Variants in LLGL2 observed in about 807,000 individuals in gnomAD.
The protein encoded by LLGL2 is LLGL scribble cell polarity complex component 2.
In LLGL2, 81 loss-of-function variants were observed where a neutral mutation model predicts 123.2. That is an observed-to-expected ratio of 0.66 (90% CI 0.55 to 0.79). LLGL2 has a LOEUF of 0.79. LLGL2 is among the 30% of genes least tolerant of loss of function. LLGL2 has a pLI of 0.00. For missense variants in LLGL2, 1,273 were observed against 1,414.6 expected, an observed-to-expected ratio of 0.90 and a Z score of 1.61; for synonymous variants, 577 against 594.1, an observed-to-expected ratio of 0.97 and a Z score of 0.42.
chr17:75,541,753 C>T (rs1203564754), intron 1 of LLGL2, among the ~76,000 whole-genome samples: 487 of 36,742 alleles, frequency 0.013, 3 homozygotes, highest in African/African-American at 0.034. Flanking sequence ...TTTTGAGATA[C>T]TGTTTTTGCT....
rs1126939 is a variant in LLGL2 at position 75,574,637 on chromosome 17, C to G, written c.3024C>G (p.Ala1008=). The change falls in exon 25 of 26, where the codon GCC becomes GCG. Residue 1008 remains alanine, a synonymous_variant. Transcript: ENST00000392550. ...RGSGNWRSHR[A]AVGCSLSNGG... ...GCGGCAACTGGCGTTCACATCGAGC[C>G]GCCGTGGGGTGCAGCCTCAGCAATG... 0.29 allele frequency: 464,471 copies of G among 1,611,370 alleles called. 71,865 individuals carry two copies. The highest frequency in any genetic ancestry group is 0.58 in the African/African-American group (43,481 of 74,926).
intron 2 of LLGL2, among the ~76,000 whole-genome samples, chr17:75,545,580 G>A (rs145397879): frequency 0.01 from 1,532 of 152,214 alleles, 15 homozygotes; most frequent in South Asian, 0.019. Context: ...TTGGGATCCC[G>A]TCTGCCCTGC....
Position 75,569,031 on chromosome 17 carries a change from T to G in LLGL2, c.1376T>G (p.Leu459Arg), listed in dbSNP as rs1213330541. 2 of 1,612,940 alleles carry G rather than the reference T, an allele frequency of 1.2e-6. No individual in the cohort carries two copies. Among genetic ancestry groups the G allele is most frequent in the Non-Finnish European group, 1.7e-6 (2 of 1,179,730 alleles). ...GATGCCTCGGGTGTCTGCCTGCGGCTGCTCTACAAACTCAGCACTGTGCGC... is the reference window on the plus strand; with the variant it reads ...GATGCCTCGGGTGTCTGCCTGCGGCGGCTCTACAAACTCAGCACTGTGCGC... ...FWDASGVCLR[L>R]LYKLSTVRVF... is the part of the protein sequence containing the mutation. The change falls in exon 13 of 26, where the codon CTG becomes CGG. Residue 459 changes from leucine to arginine, a missense_variant. By Grantham distance (102) the Leu-to-Arg change is moderately radical (BLOSUM62 -2). Transcript: ENST00000392550.
At position 75,571,701 on chromosome 17, in the gene LLGL2, C is replaced by T. The variant is rs779639879; in HGVS notation, c.2211C>T (p.Thr737=). Reference sequence around the variant, plus strand: ...ACTGCCCCTCGCTGTGGGCTGGCACCAATGGGGGCACCATCTATGCCTTCT... The same window carrying T: ...ACTGCCCCTCGCTGTGGGCTGGCACTAATGGGGGCACCATCTATGCCTTCT... The part of the protein sequence containing the change: ...SRHCPSLWAG[T]NGGTIYAFSL... Residue 737 remains threonine, a synonymous_variant, in exon 18 of 26, where the codon ACC becomes ACT. Coordinates refer to ENST00000392550, the MANE Select transcript of LLGL2 (RefSeq NM_001031803.2). 3 of 1,609,556 alleles carry T rather than the reference C, an allele frequency of 1.9e-6. No homozygotes were observed. The African/African-American group carries it at 4.0e-5, about 21-fold the overall frequency.
rs1299905576 is a variant in LLGL2 at position 75,559,279 on chromosome 17, C to T, written c.399C>T (p.Thr133=). The change falls in exon 6 of 26, where the codon ACC becomes ACT. Residue 133 remains threonine, a synonymous_variant. Transcript: ENST00000392550. This position sits in a 1 kb window ranked among gnomAD's most constrained non-coding sequence, Gnocchi z 4.6. ...CTGCCCCCAGTGCCACACAGATCAC[C>T]GTGGTCCTGCCACATTCCTCCTGCG... The part of the protein sequence containing the change: ...PGAAPSATQI[T]VVLPHSSCEL... 1.2e-6 allele frequency: 2 copies of T among 1,611,626 alleles called. No homozygotes were observed. The highest frequency in any genetic ancestry group is 3.3e-5 in the Admixed American group (2 of 59,746).
chr17:75,572,236 C>G (rs2055747896), intron 19 of LLGL2, among the ~76,000 whole-genome samples, 172 bp downstream of exon 19: 1 of 152,130 alleles, frequency 6.6e-6, no homozygotes, highest in Non-Finnish European at 1.5e-5. Context: ...GACACTGAGG[C>G]AGGACAGGGG....
chr17:75,571,608 C>T, intron 17 of LLGL2, 59 bp from the exon 18 acceptor site: 2 of 1,324,290 alleles, frequency 1.5e-6, no homozygotes, highest in Non-Finnish European at 2.1e-6. Context: ...ACCCTGGTTG[C>T]CCAGCTCCAC....
chr17:75,560,227 G>A (rs1306326035), intron 6 of LLGL2, among the ~76,000 whole-genome samples: 4 of 152,230 alleles, frequency 2.6e-5, no homozygotes, highest in African/African-American at 9.6e-5. Flanking sequence ...GTCCCTCTGA[G>A]TGCAGACCTC....
rs1282276762 is a variant in LLGL2 at position 75,547,663 on chromosome 17, A to T, written c.75+4162A>T. ...AACATGGCGAAACCCCATCTCTACT[A>T]AAAATACAAAAATCAGTTGGGTGTG... is the stretch of plus-strand genomic sequence containing the variant. On this transcript the variant is annotated intron_variant, in intron 2 of 25. Coordinates refer to ENST00000392550, the MANE Select transcript of LLGL2 (RefSeq NM_001031803.2). 6.6e-5 allele frequency among the ~76,000 whole-genome samples: 10 copies of T among 152,236 alleles called. 1 individual carries two copies. The Middle Eastern group carries it at 0.014, about 207-fold the overall frequency.
rs201741398 is a variant in LLGL2 at position 75,563,111 on chromosome 17, G to A, written c.626G>A (p.Ser209Asn). 555 of 1,613,186 alleles carry A rather than the reference G, an allele frequency of 3.4e-4. 2 individuals carry two copies. The highest frequency in any genetic ancestry group is 5.2e-4 in the Admixed American group (31 of 60,028). Residue 209 changes from serine (S) to asparagine (N), a missense_variant, in exon 7 of 26, where the codon AGC becomes AAC. Ser to Asn is a conservative substitution (Grantham distance 46). Coordinates refer to ENST00000392550, the MANE Select transcript of LLGL2 (RefSeq NM_001031803.2). The stretch of plus-strand genomic sequence containing the variant: ...CCCAACCAGATCCTGATCGGCTACA[G>A]CCGAGGCCTCGTTGTCATCTGGGAC... ...RDPNQILIGY[S>N]RGLVVIWDLQ...
intron 2 of LLGL2, among the ~76,000 whole-genome samples, chr17:75,545,102 T>C (rs865814870): frequency 1.4e-4 from 21 of 152,190 alleles, no homozygotes; most frequent in African/African-American, 4.8e-4. Context: ...CAAATAGGGC[T>C]GAACACCCCC....
At position 75,564,205 on chromosome 17, in the gene LLGL2, T is replaced by C; in HGVS notation, c.882-148T>C. On this transcript the variant is annotated intron_variant, in intron 9 of 25. Transcript: ENST00000392550. The surrounding 1 kb of genome is among the most constrained non-coding windows in gnomAD (Gnocchi z 4.9). ...ATGCCCTCACCTTACCTCCAAGTCC[T>C]CCTGGGCTGTAGCAGTTGGAAGGAG... is the stretch of plus-strand genomic sequence containing the variant. 7.0e-7 allele frequency: 1 copy of C among 1,433,582 alleles called. No homozygotes were observed. The allele number at this position is 1,433,582 out of a possible 1,614,324, so 88.8% of individuals were successfully genotyped here. A position where few individuals can be genotyped will look rare whatever the true frequency, so the allele number is the denominator to read the frequency against.
intron 1 of LLGL2, among the ~76,000 whole-genome samples, chr17:75,533,097 T>C (rs1342536623): frequency 6.6e-6 from 1 of 151,628 alleles, no homozygotes; most frequent in East Asian, 1.9e-4. Flanking sequence ...CCTCCCGGGT[T>C]CACGCCATTC....
In LLGL2 at chr17:75,573,001, C is replaced by T. The variant is rs561699946; in HGVS notation, c.2461-13C>T. 1.3e-6 allele frequency: 2 copies of T among 1,592,818 alleles called. No individual in the cohort carries two copies. Among genetic ancestry groups the T allele is most frequent in the Admixed American group, 1.7e-5 (1 of 59,332 alleles). On this transcript the variant is annotated splice_polypyrimidine_tract_variant and intron_variant, in intron 19 of 25. Coordinates refer to ENST00000392550, the MANE Select transcript of LLGL2 (RefSeq NM_001031803.2). ...TTTGGCCATGGGCATGAACAACCAC[C>T]CCACGCCCCCAGGTGTTCACGCTGC...
chr17:75,553,379 G>C (rs2054763840), intron 2 of LLGL2, among the ~76,000 whole-genome samples: 2 of 152,174 alleles, frequency 1.3e-5, no homozygotes. Flanking sequence ...ACTTGTTGGA[G>C]CTCTCCTCCC....
chr17:75,534,511 C>T (rs758942629), intron 1 of LLGL2, among the ~76,000 whole-genome samples: 4 of 152,050 alleles, frequency 2.6e-5, no homozygotes, highest in Non-Finnish European at 5.9e-5. Flanking sequence ...GAAAAGGTCT[C>T]GCTCTGTCAC....
Position 75,549,028 on chromosome 17 carries a change from TC to T in LLGL2, c.75+5529del, listed in dbSNP as rs970733956. Among the ~76,000 whole-genome samples the T allele has an allele frequency of 4.5e-4, 68 of 152,230 alleles. No individual in the cohort carries two copies. The highest frequency in any genetic ancestry group is 1.6e-3 in the African/African-American group (68 of 41,540). On this transcript the variant is annotated intron_variant, in intron 2 of 25. Transcript: ENST00000392550. This position sits in a 1 kb window ranked among gnomAD's most constrained non-coding sequence, Gnocchi z 4.0. ...CCAGGGCTTGCACAGCTGGAGCTTATCCGGGGCAGGGGCACTGGCTGGGGTG... is the reference window on the plus strand; with the variant it reads ...CCAGGGCTTGCACAGCTGGAGCTTATCGGGGCAGGGGCACTGGCTGGGGTG...
chr17:75,558,823 CACGCCTCCTCCAT>C lies in LLGL2; in HGVS notation c.371+197_371+209del. Among the ~76,000 whole-genome samples, 1 of 121,806 alleles carries C rather than the reference CACGCCTCCTCCAT, an allele frequency of 8.2e-6. No individual in the cohort carries two copies. Among genetic ancestry groups the C allele is most frequent in the Non-Finnish European group, 1.7e-5 (1 of 57,498 alleles). 79.9% of individuals were successfully genotyped at this position (121,806 alleles called of 152,430 possible). On this transcript the variant is annotated intron_variant, in intron 5 of 25. Transcript: ENST00000392550. The surrounding 1 kb of genome is among the most constrained non-coding windows in gnomAD (Gnocchi z 4.0). Reference sequence around the variant, plus strand: ...TGCAGCCTGCCTCCTCCATCCACACCACGCCTCCTCCATCCGCACCCCACCTCCTCCATCCGCA... The same window carrying C: ...TGCAGCCTGCCTCCTCCATCCACACCCCGCACCCCACCTCCTCCATCCGCA...
chr17:75,565,411 G>A (rs1019872348), intron 10 of LLGL2, among the ~76,000 whole-genome samples: 4 of 152,298 alleles, frequency 2.6e-5, no homozygotes, highest in East Asian at 1.9e-4. Context: ...GTGTACTCAC[G>A]GCCTCTATCT....
Sources: allele counts gnomAD v4.1 joint callset (sites outside exome capture counted in the v4.1 genomes callset), GRCh38; gene constraint gnomAD v4.1.1; non-coding constraint Gnocchi (gnomAD v3.1); transcripts MANE v1.5; gene names NCBI Gene and HGNC (gene_info 2026-07-23, HGNC 2026-07-21).